Variants in NEGR1 observed in about 807,000 individuals in gnomAD.
The protein encoded by NEGR1 is IgLON family member 4.
NEGR1 carries 10 observed loss-of-function variants against 40.9 expected under a neutral mutation model. That is an observed-to-expected ratio of 0.24 (90% CI 0.15 to 0.42). The LOEUF is 0.42. NEGR1 is among the 10% of genes least tolerant of loss of function. The pLI is 1.00. For missense variants in NEGR1, 352 were observed against 438.9 expected (o/e 0.80, Z 1.77); for synonymous variants, 185 against 166.8 (o/e 1.11, Z -0.84).
intron 4 of NEGR1, among the ~76,000 whole-genome samples, chr1:71,641,309 C>G (rs1570140741): frequency 6.6e-6 from 1 of 151,960 alleles, no homozygotes; most frequent in South Asian, 2.1e-4. Flanking sequence ...AAAATGACAC[C>G]GTTGCTGAAG....
intron 2 of NEGR1, among the ~76,000 whole-genome samples, chr1:71,909,983 G>A (rs1407633136): frequency 6.6e-6 from 1 of 152,138 alleles, no homozygotes; most frequent in African/African-American, 2.4e-5. Flanking sequence ...TACGATTATA[G>A]CTTACAGGAA....
At chr1:72,123,569 C>A (rs1430838116) in intron 1 of NEGR1, among the ~76,000 whole-genome samples, 1 of 151,094 alleles carries the variant, frequency 6.6e-6, no homozygotes, top group Non-Finnish European at 1.5e-5. Context: ...AAAAAGTTAC[C>A]AAGAAACATA....
intron 6 of NEGR1, among the ~76,000 whole-genome samples, chr1:71,567,846 T>A (rs1404650559): frequency 6.6e-6 from 1 of 151,624 alleles, no homozygotes; most frequent in Non-Finnish European, 1.5e-5. Context: ...TTTTTTTTTT[T>A]ATAAGATAGA....
At chr1:71,475,846 A>C (rs936053838) in intron 6 of NEGR1, among the ~76,000 whole-genome samples, 4 of 152,046 alleles carry the variant, frequency 2.6e-5, no homozygotes, top group Non-Finnish European at 5.9e-5. Flanking sequence ...CTAATAATTT[A>C]ATGCTAAATT....
intron 1 of NEGR1, among the ~76,000 whole-genome samples, chr1:71,967,133 T>C (rs1646216298): frequency 6.6e-6 from 1 of 152,146 alleles, no homozygotes; most frequent in South Asian, 2.1e-4. Context: ...ACTGATGTAA[T>C]AGATTCTGAC....
At chr1:71,881,218 T>C (rs566484000) in intron 2 of NEGR1, among the ~76,000 whole-genome samples, 1 of 152,130 alleles carries the variant, frequency 6.6e-6, no homozygotes, top group South Asian at 2.1e-4. Context: ...GACTGACTTT[T>C]TTCTGAGACA....
chr1:71,960,900 A>AT lies in NEGR1; in HGVS notation c.177-25590dup, dbSNP rs139310798. Among the ~76,000 whole-genome samples the AT allele has an allele frequency of 5.9e-3, 893 of 152,304 alleles. 4 individuals are homozygous for AT. Among genetic ancestry groups the AT allele is most frequent in the African/African-American group, 0.02 (850 of 41,576 alleles). On this transcript the variant is annotated intron_variant, in intron 1 of 6. Transcript: ENST00000357731. ...GCAAAAATGTCTCCACTGAGACAAA[A>AT]TTCCTTAGATGACAAAATACAAAAT...
chr1:71,837,928 C>T (rs979532056), intron 2 of NEGR1, among the ~76,000 whole-genome samples: 2 of 152,008 alleles, frequency 1.3e-5, no homozygotes, highest in Non-Finnish European at 2.9e-5. Flanking sequence ...AATTTGTATT[C>T]TTCCTGATGT....
intron 1 of NEGR1, among the ~76,000 whole-genome samples, chr1:72,261,637 G>A (rs369340574): frequency 2.0e-5 from 3 of 151,946 alleles, no homozygotes; most frequent in East Asian, 1.9e-4. Context: ...TTGGCATAAA[G>A]CATGCAAGGT....
chr1:71,581,604 A>G (rs1649135345), intron 6 of NEGR1, among the ~76,000 whole-genome samples: 1 of 152,184 alleles, frequency 6.6e-6, no homozygotes, highest in Non-Finnish European at 1.5e-5. Flanking sequence ...GCCAAAAATC[A>G]GTGAAAGAAT....
rs187185525 is a variant in NEGR1, at chr1:71,436,972, G to T, written c.941-29402C>A. ...TTTTGGGAGATTTTCACCTGCATAG[G>T]GGCTTAGGGCCTCTTCATGTTGTTC... On this transcript the variant is annotated intron_variant, in intron 6 of 6. Transcript: ENST00000357731. 1.4e-4 allele frequency among the ~76,000 whole-genome samples: 22 copies of T among 151,862 alleles called. No homozygotes were observed. In the East Asian group the frequency reaches 4.3e-3, roughly 29 times the overall value.
rs181362443 is a variant in NEGR1 at position 71,823,626 on chromosome 1, A to G, written c.410-47329T>C. Among the ~76,000 whole-genome samples the G allele has an allele frequency of 1.5e-3, 226 of 152,122 alleles. 2 individuals are homozygous for G. The highest frequency in any genetic ancestry group is 1.0e-3 in the Non-Finnish European group (70 of 67,940). ...ATAGCATCTCAGACCTGAGCCTGTA[A>G]TCTAAGGACAGGTTACCTAAATTTC... On this transcript the variant is annotated intron_variant, in intron 2 of 6. Coordinates refer to ENST00000357731, the MANE Select transcript of NEGR1 (RefSeq NM_173808.3).
intron 1 of NEGR1, among the ~76,000 whole-genome samples, chr1:72,102,242 A>G (rs1648975210): frequency 6.6e-6 from 1 of 152,104 alleles, no homozygotes; most frequent in African/African-American, 2.4e-5. Context: ...ATGTTGCATG[A>G]TAAATTAAAT....
chr1:72,041,971 TATATA>T (rs1168306303), intron 1 of NEGR1, among the ~76,000 whole-genome samples: 2 of 144,858 alleles, frequency 1.4e-5, no homozygotes, highest in African/African-American at 2.5e-5. Context: ...TATATATAAA[TATATA>T]ATACATATTT....
intron 2 of NEGR1, among the ~76,000 whole-genome samples, chr1:71,877,148 CAAAACAAAAAA>C (rs1173749610): frequency 7.0e-6 from 1 of 142,764 alleles, no homozygotes; most frequent in Non-Finnish European, 1.5e-5. Flanking sequence ...AAAAACAAAA[CAAAACAAAAAA>C]AAAACAAAAA....
intron 1 of NEGR1, among the ~76,000 whole-genome samples, chr1:72,277,589 C>T (rs1433295254): frequency 6.6e-6 from 1 of 152,052 alleles, no homozygotes; most frequent in Non-Finnish European, 1.5e-5. Context: ...AACAGTTCTG[C>T]AAATCAATAT....
intron 1 of NEGR1, among the ~76,000 whole-genome samples, chr1:71,942,397 TG>T (rs1251565561): frequency 7.3e-6 from 1 of 137,892 alleles, no homozygotes; most frequent in African/African-American, 2.6e-5. Flanking sequence ...AATCAAGTGA[TG>T]GTATTAATTC....
intron 2 of NEGR1, among the ~76,000 whole-genome samples, chr1:71,807,237 T>C (rs558472060): frequency 6.6e-6 from 1 of 152,204 alleles, no homozygotes; most frequent in African/African-American, 2.4e-5. Flanking sequence ...TGGGACATTG[T>C]AAGAGTAATT....
At position 72,090,687 on chromosome 1, in the gene NEGR1, C is replaced by T. The variant is rs552012713; in HGVS notation, c.177-155376G>A. Among the ~76,000 whole-genome samples, 29 of 152,148 alleles carry T rather than the reference C, an allele frequency of 1.9e-4. No homozygotes were observed. In the South Asian group the frequency reaches 6.0e-3, roughly 32 times the overall value. On this transcript the variant is annotated intron_variant, in intron 1 of 6. Transcript: ENST00000357731. ...ATTTGCTAAGCTTCCCTAATGACAACTCTAGATTCATGAAAATTAAAACGA... is the reference window on the plus strand; with the variant it reads ...ATTTGCTAAGCTTCCCTAATGACAATTCTAGATTCATGAAAATTAAAACGA...
Sources: allele counts gnomAD v4.1 joint callset (sites outside exome capture counted in the v4.1 genomes callset), GRCh38; gene constraint gnomAD v4.1.1; transcripts MANE v1.5; gene names NCBI Gene and HGNC (gene_info 2026-07-23, HGNC 2026-07-21).